Variants in ATXN2 observed in about 807,000 individuals in gnomAD.
The protein encoded by ATXN2 is ataxin 2, also known as ataxin-2.
In ATXN2, 37 loss-of-function variants were observed where a neutral mutation model predicts 138.6. That is an observed-to-expected ratio of 0.27 (90% CI 0.21 to 0.35). The LOEUF (loss-of-function observed/expected upper bound fraction) is 0.35, where lower values mean the gene tolerates loss of function less well. ATXN2 is among the 10% of genes least tolerant of loss of function. The probability of loss-of-function intolerance (pLI) is 1.00; values close to 1 mark genes in which losing one functional copy is unlikely to be tolerated. For missense variants in ATXN2, 1,216 were observed against 1,480.3 expected (o/e 0.82, Z 2.93); for synonymous variants, 549 against 543.7 (o/e 1.01, Z -0.13).
intron 5 of ATXN2, among the ~76,000 whole-genome samples, chr12:111,537,427 A>C (rs1397934936): frequency 6.6e-6 from 1 of 151,800 alleles, no homozygotes; most frequent in Non-Finnish European, 1.5e-5. Context: ...TTTACTAAAA[A>C]TATAAAATTA....
At chr12:111,532,759 T>C (rs1363376313) in intron 5 of ATXN2, among the ~76,000 whole-genome samples, 1 of 150,522 alleles carries the variant, frequency 6.6e-6, no homozygotes, top group Non-Finnish European at 1.5e-5. Context: ...CTCTTTGTAC[T>C]GACAAGCAGG....
chr12:111,494,494 T>C (rs1173927089), intron 14 of ATXN2, among the ~76,000 whole-genome samples: 4 of 150,872 alleles, frequency 2.7e-5, no homozygotes, highest in African/African-American at 9.8e-5. Context: ...GGCACAATAT[T>C]GACTCACTGC....
intron 1 of ATXN2, among the ~76,000 whole-genome samples, chr12:111,583,766 C>CAAAAAAAA (rs748838859): frequency 1.7e-4 from 10 of 58,104 alleles, no homozygotes; most frequent in Admixed American, 3.0e-4. Flanking sequence ...GACTCCGACT[C>CAAAAAAAA]AAAAAAAAAA....
Position 111,480,006 on chromosome 12 carries a change from GAAAAAAAAAAACCTAATCAA to G in ATXN2, c.2524+5239_2524+5258del, listed in dbSNP as rs1248017210. ...AAAAAGATTTTTTTACGTAAAAAAAGAAAAAAAAAAACCTAATCAAAAAAAAAAAAAGAAAAAGAAATCTA... is the reference window on the plus strand; with the variant it reads ...AAAAAGATTTTTTTACGTAAAAAAAGAAAAAAAAAAAGAAAAAGAAATCTA... On this transcript the variant is annotated intron_variant, in intron 18 of 24. Coordinates refer to ENST00000673436, the MANE Select transcript of ATXN2 (RefSeq NM_001372574.1). Among the ~76,000 whole-genome samples, 14 of 41,960 alleles carry G rather than the reference GAAAAAAAAAAACCTAATCAA, an allele frequency of 3.3e-4. No individual in the cohort carries two copies. In the East Asian group the frequency reaches 9.0e-3, roughly 27 times the overall value. 27.5% of individuals were successfully genotyped at this position (41,960 alleles called of 152,430 possible). A position where few individuals can be genotyped will look rare whatever the true frequency, so the allele number is the denominator to read the frequency against.
At chr12:111,462,975 T>C (rs78503944) in intron 21 of ATXN2, among the ~76,000 whole-genome samples, 17,378 of 145,546 alleles carry the variant, frequency 0.12, 3,006 homozygotes, top group African/African-American at 0.4. Context: ...TATATATATA[T>C]ATACACACAC....
At chr12:111,578,430 T>C (rs528116300) in intron 1 of ATXN2, among the ~76,000 whole-genome samples, 2 of 152,188 alleles carry the variant, frequency 1.3e-5, no homozygotes, top group Non-Finnish European at 2.9e-5. Context: ...TGTTTAGATA[T>C]GTTTAGATTC....
chr12:111,513,473 C>A lies in ATXN2; in HGVS notation c.1442G>T (p.Gly481Val), dbSNP rs758216753. 1 of 1,613,974 alleles carries A rather than the reference C, an allele frequency of 6.2e-7. No individual in the cohort carries two copies. The highest frequency in any genetic ancestry group is 8.5e-7 in the Non-Finnish European group (1 of 1,179,994). ...PRNHRVSAGR[G>V]SISSGLEFVS... ...AAATTCTAGGCCACTGGATATGGAA[C>A]CCCTCCCAGCAGAAACTCTGTGATT... Residue 481 changes from glycine to valine, a missense_variant, in exon 11 of 25, where the codon GGT (glycine) becomes GTT (valine). Around this residue, in one of 4 missense-constraint regions of ATXN2, gnomAD observed 215 missense variants for 210.0 expected, o/e 1.02. Transcript: ENST00000673436.
chr12:111,528,976 T>A (rs1438456881), intron 5 of ATXN2, among the ~76,000 whole-genome samples: 1 of 152,214 alleles, frequency 6.6e-6, no homozygotes, highest in Non-Finnish European at 1.5e-5. Flanking sequence ...AATTTGTTTT[T>A]GTTTTTGTTT....
chr12:111,470,636 G>A lies in ATXN2; in HGVS notation c.2631C>T (p.Ser877=), dbSNP rs893042346. The part of the protein sequence containing the change: ...PPIAATPPAY[S]TQYVAYSPQQ... ...GAGGACTGTAGGCAACATATTGCGT[G>A]GAGTAAGCTGGTGGGGTGGCTGCAA... Residue 877 remains serine (S), a synonymous_variant, in exon 19 of 25, where the codon TCC becomes TCT. Coordinates refer to ENST00000673436, the MANE Select transcript of ATXN2 (RefSeq NM_001372574.1). 6.2e-7 allele frequency: 1 copy of A among 1,614,056 alleles called. No homozygotes were observed. The highest frequency in any genetic ancestry group is 1.3e-5 in the African/African-American group (1 of 74,912).
intron 21 of ATXN2, among the ~76,000 whole-genome samples, chr12:111,462,965 T>TACACACAC (rs558178919): frequency 2.2e-4 from 31 of 139,720 alleles, no homozygotes; most frequent in African/African-American, 8.6e-4. Flanking sequence ...CACACATACA[T>TACACACAC]ATATATATAT....
At chr12:111,458,895 G>A (rs1269906473) in intron 21 of ATXN2, among the ~76,000 whole-genome samples, 1 of 152,128 alleles carries the variant, frequency 6.6e-6, no homozygotes, top group Non-Finnish European at 1.5e-5. Context: ...GGTGTTGTAG[G>A]GCTAAGGGCC....
chr12:111,543,918 A>C (rs1364420644), intron 5 of ATXN2, among the ~76,000 whole-genome samples: 1 of 152,038 alleles, frequency 6.6e-6, no homozygotes, highest in Non-Finnish European at 1.5e-5. Context: ...TCTATAAAAT[A>C]TTTTTAAAAA....
chr12:111,599,481 C>A, upstream of ATXN2: 1 of 1,214,960 alleles, frequency 8.2e-7, no homozygotes, highest in Non-Finnish European at 1.0e-6. Flanking sequence ...GTGGCCACCG[C>A]GGGACTCCGA....
Position 111,452,515 on chromosome 12 carries a change from C to A in ATXN2, c.*297G>T. On this transcript the variant is annotated 3_prime_UTR_variant, in exon 25 of 25. Transcript: ENST00000673436. The stretch of plus-strand genomic sequence containing the variant: ...TGCTAGCTGATGTGTTCATGACTTT[C>A]AAGGGTTATTAAAAAATAAATAACT... 1 of 273,632 alleles carries A rather than the reference C, an allele frequency of 3.7e-6. No individual in the cohort carries two copies. 17.0% of individuals were successfully genotyped at this position (273,632 alleles called of 1,614,324 possible). A position where few individuals can be genotyped will look rare whatever the true frequency, so the allele number is the denominator to read the frequency against.
At chr12:111,464,324 GGT>G (rs1304943527) in intron 21 of ATXN2, among the ~76,000 whole-genome samples, 12 of 126,220 alleles carry the variant, frequency 9.5e-5, no homozygotes, top group Middle Eastern at 4.0e-3. Flanking sequence ...TTGTGGCTTG[GGT>G]GTGTGTGTTT....
chr12:111,546,625 G>A (rs1052367288), intron 5 of ATXN2, among the ~76,000 whole-genome samples: 18 of 151,928 alleles, frequency 1.2e-4, no homozygotes, highest in Admixed American at 3.9e-4. Context: ...GAATAATGGC[G>A]CAACAGGAAG....
chr12:111,498,598 A>G (rs111370294), intron 14 of ATXN2, among the ~76,000 whole-genome samples: 2 of 152,340 alleles, frequency 1.3e-5, no homozygotes, highest in African/African-American at 4.8e-5. Context: ...TTCCATGTTT[A>G]TGGATTAGAA....
chr12:111,497,308 A>G (rs1878482408), intron 14 of ATXN2, among the ~76,000 whole-genome samples: 1 of 152,196 alleles, frequency 6.6e-6, no homozygotes, highest in Non-Finnish European at 1.5e-5. Flanking sequence ...TTAAAGAAGA[A>G]CTAATACCAA....
At chr12:111,523,441 T>C (rs932785993) in intron 6 of ATXN2, among the ~76,000 whole-genome samples, 3 of 152,080 alleles carry the variant, frequency 2.0e-5, no homozygotes, top group African/African-American at 7.2e-5. Context: ...AATAATGCTA[T>C]GGCCAGGCAT....
Sources: allele counts gnomAD v4.1 joint callset (sites outside exome capture counted in the v4.1 genomes callset), GRCh38; gene constraint gnomAD v4.1.1; regional missense constraint gnomAD v4.1.1; transcripts MANE v1.5; gene names NCBI Gene and HGNC (gene_info 2026-07-23, HGNC 2026-07-21).